The following AGAP1 variants were observed in gnomAD, a reference collection of about 807,000 sequenced individuals.
The protein encoded by AGAP1 is arf-GAP with GTPase, ANK repeat and PH domain-containing protein 1.
In AGAP1, 29 loss-of-function variants were observed where a neutral mutation model predicts 105.3. The ratio of observed to expected loss-of-function variants is 0.28; its 90% CI spans 0.21 to 0.38. AGAP1 has a LOEUF of 0.38. AGAP1 is among the 10% of genes least tolerant of loss of function. AGAP1 has a pLI of 1.00. For missense variants in AGAP1, 998 were observed against 1,165.1 expected (o/e 0.86, Z 2.09); for synonymous variants, 509 against 485.9 (o/e 1.05, Z -0.63).
At chr2:235,886,781 G>T (rs115705845) in intron 10 of AGAP1, among the ~76,000 whole-genome samples, 9 of 152,312 alleles carry the variant, frequency 5.9e-5, no homozygotes, top group Non-Finnish European at 8.8e-5. Flanking sequence ...TGAAGAGATG[G>T]CATGACCTTC....
intron 1 of AGAP1, among the ~76,000 whole-genome samples, chr2:235,536,142 T>TACACACACACACAC (rs58090095): frequency 6.1e-5 from 1 of 16,414 alleles, no homozygotes; most frequent in Non-Finnish European, 9.4e-5. Flanking sequence ...TGTGGCATCC[T>TACACACACACACAC]ACACACACAC....
chr2:235,697,892 G>A (rs1264231153), intron 1 of AGAP1, among the ~76,000 whole-genome samples: 1 of 152,084 alleles, frequency 6.6e-6, no homozygotes, highest in Non-Finnish European at 1.5e-5. Context: ...AAATGTTCTC[G>A]TGTCTATCAA....
At chr2:235,773,904 G>A (rs1209378987) in intron 6 of AGAP1, 1 of 452,650 alleles carries the variant, frequency 2.2e-6, no homozygotes, top group South Asian at 1.7e-5. Context: ...TTCTTTTCTT[G>A]CTTGAGATAT....
intron 1 of AGAP1, among the ~76,000 whole-genome samples, chr2:235,684,039 TTTTG>T (rs919867563): frequency 1.2e-4 from 17 of 141,510 alleles, no homozygotes; most frequent in Middle Eastern, 3.4e-3. Flanking sequence ...CTCATCCTTT[TTTTG>T]TTTGTTTGTT....
chr2:235,519,216 G>A (rs540519341), intron 1 of AGAP1, among the ~76,000 whole-genome samples: 4 of 152,112 alleles, frequency 2.6e-5, no homozygotes, highest in African/African-American at 9.6e-5. Flanking sequence ...AGGACTACAG[G>A]CGCACACCAC....
rs761950413 is a variant in AGAP1, at chr2:235,690,573, C to T, written c.164-18606C>T. Among the ~76,000 whole-genome samples the T allele has an allele frequency of 2.4e-4, 37 of 152,138 alleles. No individual in the cohort carries two copies. The highest frequency in any genetic ancestry group is 4.4e-4 in the Non-Finnish European group (30 of 68,038). ...AAGCAGCCACATCAGACCCAGAGTC[C>T]GAGGTAGAATGGATATTGCTAAAGC... On this transcript the variant is annotated intron_variant, in intron 1 of 17. Coordinates refer to ENST00000304032, the MANE Select transcript of AGAP1 (RefSeq NM_001037131.3). This position sits in a 1 kb window ranked among gnomAD's most constrained non-coding sequence, Gnocchi z 4.1.
At chr2:235,499,941 T>G (rs1941492559) in intron 1 of AGAP1, among the ~76,000 whole-genome samples, 1 of 152,156 alleles carries the variant, frequency 6.6e-6, no homozygotes, top group African/African-American at 2.4e-5. Flanking sequence ...TCCTTCTTGG[T>G]AGGATAAACA....
At chr2:235,547,763 G>T (rs1449458588) in intron 1 of AGAP1, among the ~76,000 whole-genome samples, 1 of 152,224 alleles carries the variant, frequency 6.6e-6, no homozygotes, top group African/African-American at 2.4e-5. Context: ...ACAGTGCTGG[G>T]ATTACAGGCG....
intron 1 of AGAP1, among the ~76,000 whole-genome samples, chr2:235,526,690 A>G (rs1942853788): frequency 6.6e-6 from 1 of 152,124 alleles, no homozygotes; most frequent in Non-Finnish European, 1.5e-5. Context: ...ATTAATATCA[A>G]AGGGAGATAC....
At chr2:235,939,904 A>G (rs2125205620) in intron 12 of AGAP1, among the ~76,000 whole-genome samples, 1 of 152,088 alleles carries the variant, frequency 6.6e-6, no homozygotes, top group East Asian at 1.9e-4. Flanking sequence ...AATAGGCCTG[A>G]CCATTCCTCT....
chr2:236,112,557 C>T (rs1381481549), intron 16 of AGAP1, among the ~76,000 whole-genome samples: 1 of 152,178 alleles, frequency 6.6e-6, no homozygotes, highest in Admixed American at 6.5e-5. Flanking sequence ...TTGGTTCTGT[C>T]GTCGCTGGGT....
chr2:236,107,980 G>A (rs2059542585), intron 16 of AGAP1, among the ~76,000 whole-genome samples: 1 of 152,236 alleles, frequency 6.6e-6, no homozygotes, highest in African/African-American at 2.4e-5. Flanking sequence ...GAAGTCAGGC[G>A]GGATATTTAT....
chr2:235,598,253 T>C (rs1429271642), intron 1 of AGAP1, among the ~76,000 whole-genome samples: 2 of 152,180 alleles, frequency 1.3e-5, no homozygotes, highest in Admixed American at 1.3e-4. Context: ...AGCGCCCTGG[T>C]TCCTGCCTGC....
At chr2:235,766,298 A>T (rs960685721) in intron 6 of AGAP1, among the ~76,000 whole-genome samples, 2 of 152,214 alleles carry the variant, frequency 1.3e-5, no homozygotes, top group Admixed American at 1.3e-4. Context: ...GGGTAACAGG[A>T]CATTGGGTCT....
intron 6 of AGAP1, among the ~76,000 whole-genome samples, chr2:235,778,908 T>G (rs1383102608): frequency 6.6e-6 from 1 of 152,230 alleles, no homozygotes; most frequent in African/African-American, 2.4e-5. Flanking sequence ...CAGTCCTCAC[T>G]GCAGGAGGCT....
intron 9 of AGAP1, among the ~76,000 whole-genome samples, chr2:235,870,350 C>G (rs2049377228): frequency 6.6e-6 from 1 of 152,142 alleles, no homozygotes; most frequent in Admixed American, 6.5e-5. Flanking sequence ...TACCCTTATT[C>G]TAAAAAGGTG....
At chr2:235,670,736 G>C in intron 1 of AGAP1, 3 of 880,702 alleles carry the variant, frequency 3.4e-6, no homozygotes, top group Non-Finnish European at 5.3e-6. Flanking sequence ...CACCCTGGAC[G>C]TGGGCGAGGT....
rs990840748 is a variant in AGAP1 at position 236,001,805 on chromosome 2, C to G, written c.1645+33182C>G. On this transcript the variant is annotated intron_variant, in intron 13 of 17. Coordinates refer to ENST00000304032, the MANE Select transcript of AGAP1 (RefSeq NM_001037131.3). The surrounding 1 kb of genome is among the most constrained non-coding windows in gnomAD (Gnocchi z 4.7). ...ACAAGCTGTTTGAAAGGCCACAGGG[C>G]ACTGCGTGGAATGCGTGGTCTCTAA... Among the ~76,000 whole-genome samples the G allele has an allele frequency of 3.6e-4, 55 of 152,244 alleles. No homozygotes were observed. Among genetic ancestry groups the G allele is most frequent in the African/African-American group, 1.3e-3 (54 of 41,466 alleles).
intron 1 of AGAP1, among the ~76,000 whole-genome samples, chr2:235,641,761 G>A (rs1435687463): frequency 6.6e-6 from 1 of 152,228 alleles, no homozygotes; most frequent in Non-Finnish European, 1.5e-5. Context: ...GTTGAAGAAT[G>A]ATTTCCCATA....
Sources: allele counts gnomAD v4.1 joint callset (sites outside exome capture counted in the v4.1 genomes callset), GRCh38; gene constraint gnomAD v4.1.1; non-coding constraint Gnocchi (gnomAD v3.1); transcripts MANE v1.5; gene names NCBI Gene and HGNC (gene_info 2026-07-23, HGNC 2026-07-21).